ZNF585B: variants seen among roughly 807,000 people sequenced by gnomAD.
ZNF585B encodes the protein zinc finger protein 585B.
A neutral mutation model predicts 14.0 loss-of-function variants in ZNF585B; 7 were observed. The ratio of observed to expected loss-of-function variants is 0.50; its 90% confidence interval spans 0.28 to 0.94. The LOEUF (loss-of-function observed/expected upper bound fraction) is 0.94, where lower values mean the gene tolerates loss of function less well. Ranked by LOEUF, ZNF585B falls within the 40% of genes least tolerant of loss-of-function variation. ZNF585B has a pLI of 0.09. For missense variants in ZNF585B, 750 were observed against 924.4 expected, an observed-to-expected ratio of 0.81 and a Z score of 2.45; for synonymous variants, 290 against 317.3, an observed-to-expected ratio of 0.91 and a Z score of 0.91.
In ZNF585B at chr19:37,190,009, G is replaced by A. The variant is rs374544809; in HGVS notation, c.199+15C>T. 3 of 1,612,922 alleles carry A rather than the reference G, an allele frequency of 1.9e-6. No homozygotes were observed. The highest frequency in any genetic ancestry group is 1.3e-5 in the African/African-American group (1 of 74,860). ...AGTGAGGCCTCCTTTCAGATACCAA[G>A]GTGACTGTGCTTACCTACTGAGAGC... On this transcript the variant is annotated intron_variant, in intron 3 of 4. Coordinates refer to ENST00000532828, the MANE Select transcript of ZNF585B (RefSeq NM_152279.4).
chr19:37,203,846 T>G (rs1026394591), intron 2 of ZNF585B, among the ~76,000 whole-genome samples: 9 of 152,146 alleles, frequency 5.9e-5, no homozygotes, highest in Non-Finnish European at 1.2e-4. Flanking sequence ...CAGGCCAGTC[T>G]CAAACTCCCG....
chr19:37,188,779 T>C (rs1169489391), intron 4 of ZNF585B, among the ~76,000 whole-genome samples: 1 of 152,162 alleles, frequency 6.6e-6, no homozygotes, highest in Non-Finnish European at 1.5e-5. Flanking sequence ...ATCCATGCCA[T>C]GTCAAACACA....
chr19:37,200,973 C>T (rs1316065597), intron 2 of ZNF585B, among the ~76,000 whole-genome samples: 1 of 151,864 alleles, frequency 6.6e-6, no homozygotes, highest in Non-Finnish European at 1.5e-5. Flanking sequence ...CACCTGTAAT[C>T]CCAGCTACTC....
At chr19:37,201,587 A>C (rs962569538) in intron 2 of ZNF585B, among the ~76,000 whole-genome samples, 12 of 152,324 alleles carry the variant, frequency 7.9e-5, no homozygotes, top group Admixed American at 1.3e-4. Flanking sequence ...GTTAAACATA[A>C]AATTTTCAAA....
chr19:37,206,954 CT>C, intron 2 of ZNF585B, 85 bp downstream of exon 2: 5 of 1,547,098 alleles, frequency 3.2e-6, no homozygotes, highest in Non-Finnish European at 3.5e-6. Flanking sequence ...TAAGGCCTGT[CT>C]GCCTCTGCCC....
At chr19:37,193,384 T>C (rs918254175) in intron 2 of ZNF585B, among the ~76,000 whole-genome samples, 4 of 148,954 alleles carry the variant, frequency 2.7e-5, no homozygotes, top group Non-Finnish European at 5.9e-5. Flanking sequence ...GGCAGGAGAA[T>C]GGCGTGAACC....
chr19:37,194,960 CT>C (rs1972444603), intron 2 of ZNF585B, among the ~76,000 whole-genome samples: 1 of 152,060 alleles, frequency 6.6e-6, no homozygotes, highest in Non-Finnish European at 1.5e-5. Context: ...AAAACAAAAG[CT>C]TTCTGGAAAA....
intron 2 of ZNF585B, among the ~76,000 whole-genome samples, chr19:37,192,392 G>T (rs905722531): frequency 6.6e-6 from 1 of 151,980 alleles, no homozygotes; most frequent in Non-Finnish European, 1.5e-5. Context: ...AAAGTATGGG[G>T]TAAGGGGGAC....
intron 4 of ZNF585B, among the ~76,000 whole-genome samples, chr19:37,189,153 G>T (rs1485147606): frequency 6.6e-6 from 1 of 152,024 alleles, no homozygotes; most frequent in Non-Finnish European, 1.5e-5. Flanking sequence ...GTCCAGGCTG[G>T]TTTCAAACTC....
intron 1 of ZNF585B, among the ~76,000 whole-genome samples, chr19:37,209,339 G>T (rs1001389568): frequency 1.2e-3 from 183 of 152,226 alleles, no homozygotes; most frequent in African/African-American, 4.4e-3. Flanking sequence ...CTGACCTCAG[G>T]TGATCTGCCC....
intron 2 of ZNF585B, among the ~76,000 whole-genome samples, chr19:37,196,946 G>A (rs1345716174): frequency 6.6e-6 from 1 of 152,092 alleles, no homozygotes; most frequent in East Asian, 1.9e-4. Flanking sequence ...ATCGTTTGAA[G>A]GACAACTGTG....
In ZNF585B at chr19:37,186,764, T is replaced by C. The variant is rs762071705; in HGVS notation, c.773A>G (p.Lys258Arg). The change falls in exon 5 of 5, where the codon AAG (lysine) becomes AGG (arginine). Residue 258 changes from lysine (K) to arginine (R), a missense_variant. Transcript: ENST00000532828. ...GKAFTQKSTL[K>R]IHQKIHTGER... is the part of the protein sequence containing the mutation. Reference sequence around the variant, plus strand: ...GCCTGTATGGATTTTCTGATGAATCTTGAGTGTGGACTTTTGTGTGAACGC... The same window carrying C: ...GCCTGTATGGATTTTCTGATGAATCCTGAGTGTGGACTTTTGTGTGAACGC... 3 of 1,614,182 alleles carry C rather than the reference T, an allele frequency of 1.9e-6. No individual in the cohort carries two copies. Among genetic ancestry groups the C allele is most frequent in the Non-Finnish European group, 2.5e-6 (3 of 1,180,024 alleles).
intron 2 of ZNF585B, among the ~76,000 whole-genome samples, chr19:37,193,331 C>T (rs1599764790): frequency 6.6e-6 from 1 of 151,770 alleles, no homozygotes; most frequent in Non-Finnish European, 1.5e-5. Flanking sequence ...ATTAGCTGGG[C>T]GCAGTGGCGG....
chr19:37,197,525 T>A (rs1972480259), intron 2 of ZNF585B, among the ~76,000 whole-genome samples: 1 of 152,200 alleles, frequency 6.6e-6, no homozygotes, highest in South Asian at 2.1e-4. Flanking sequence ...CAAATGGTAA[T>A]TCTAGTTCTA....
chr19:37,200,324 G>C (rs1972517771), intron 2 of ZNF585B, among the ~76,000 whole-genome samples: 1 of 151,706 alleles, frequency 6.6e-6, no homozygotes, highest in African/African-American at 2.4e-5. Flanking sequence ...GGCTGAGGTG[G>C]GTAGATCATG....
chr19:37,207,076 T>C lies in ZNF585B; in HGVS notation c.36A>G (p.Ser12=). ...TGCCATGATCCTCTGGAGCCAGGGC[T>C]GAGGATTTCTGGGGTGAGGTCCAAC... ...PASWTSPQKS[S]ALAPEDHGSS... is the part of the protein sequence containing the mutation. The change falls in exon 2 of 5, where the codon TCA becomes TCG. Residue 12 remains serine (S), a synonymous_variant. Coordinates refer to ENST00000532828, the MANE Select transcript of ZNF585B (RefSeq NM_152279.4). 1 of 1,614,156 alleles carries C rather than the reference T, an allele frequency of 6.2e-7. No individual in the cohort carries two copies. Among genetic ancestry groups the C allele is most frequent in the Non-Finnish European group, 8.5e-7 (1 of 1,180,020 alleles).
In ZNF585B at chr19:37,207,479, C is replaced by G. The variant is rs548600595; in HGVS notation, c.-143-225G>C. ...TAAGAATTTTATTTTCTAATAAGTGCCCAGGAAATGCTGATGCTGCTGGTA... is the reference window on the plus strand; with the variant it reads ...TAAGAATTTTATTTTCTAATAAGTGGCCAGGAAATGCTGATGCTGCTGGTA... On this transcript the variant is annotated intron_variant, in intron 1 of 4. Coordinates refer to ENST00000532828, the MANE Select transcript of ZNF585B (RefSeq NM_152279.4). Among the ~76,000 whole-genome samples the G allele has an allele frequency of 2.0e-4, 31 of 152,248 alleles. No individual in the cohort carries two copies. In the East Asian group the frequency reaches 2.3e-3, roughly 11 times the overall value.
chr19:37,199,800 C>T (rs1972511004), intron 2 of ZNF585B, among the ~76,000 whole-genome samples: 1 of 151,986 alleles, frequency 6.6e-6, no homozygotes, highest in African/African-American at 2.4e-5. Context: ...AATCCCAGCA[C>T]TTTGGGAGGC....
intron 2 of ZNF585B, among the ~76,000 whole-genome samples, chr19:37,193,400 G>A (rs1365577877): frequency 6.6e-6 from 1 of 151,770 alleles, no homozygotes; most frequent in African/African-American, 2.4e-5. Flanking sequence ...GAACCCGGGA[G>A]GCAGAGCTTG....
Sources: allele counts gnomAD v4.1 joint callset (sites outside exome capture counted in the v4.1 genomes callset), GRCh38; gene constraint gnomAD v4.1.1; transcripts MANE v1.5; gene names NCBI Gene and HGNC (gene_info 2026-07-23, HGNC 2026-07-21).